The following GPAT4 variants were observed in gnomAD, a reference collection of about 807,000 sequenced individuals.
GPAT4 encodes the protein 1-AGP acyltransferase 6.
Under a neutral mutation model 58.0 loss-of-function variants are expected in GPAT4, and 17 were observed. The ratio of observed to expected loss-of-function variants is 0.29; its 90% confidence interval spans 0.20 to 0.44. GPAT4 has a LOEUF of 0.44. GPAT4 is among the 20% of genes least tolerant of loss of function. The pLI is 1.00. For synonymous variants in GPAT4, 204 were observed against 210.1 expected (o/e 0.97, Z 0.25); for missense variants, 377 against 574.5 (o/e 0.66, Z 3.51).
Position 41,599,235 on chromosome 8 carries a change from G to T in GPAT4, c.96G>T (p.Val32=). The T allele has an allele frequency of 1.2e-5, 19 of 1,613,986 alleles. No individual in the cohort carries two copies. The highest frequency in any genetic ancestry group is 1.6e-5 in the Non-Finnish European group (19 of 1,179,972). ...LFTLLLVFII[V]PAIFGVSFGI... Reference sequence around the variant, plus strand: ...CCCTCCTTCTCGTTTTCATCATAGTGCCAGCCATTTTTGGAGTCTCCTTTG... The same window carrying T: ...CCCTCCTTCTCGTTTTCATCATAGTTCCAGCCATTTTTGGAGTCTCCTTTG... Residue 32 remains valine (V), a synonymous_variant, in exon 2 of 13, where the codon GTG becomes GTT. Transcript: ENST00000396987.
At chr8:41,600,575 A>G (rs1009764161) in intron 2 of GPAT4, among the ~76,000 whole-genome samples, 9 of 151,460 alleles carry the variant, frequency 5.9e-5, no homozygotes, top group African/African-American at 2.2e-4. Context: ...TAGTATGTCT[A>G]TAAGCATATG....
chr8:41,582,983 G>A (rs1261829554), intron 1 of GPAT4, among the ~76,000 whole-genome samples: 1 of 152,072 alleles, frequency 6.6e-6, no homozygotes, highest in African/African-American at 2.4e-5. Context: ...AGCACTTTGG[G>A]AGGCCAAAGT....
chr8:41,587,828 G>A (rs183687893), intron 1 of GPAT4, among the ~76,000 whole-genome samples: 1 of 152,284 alleles, frequency 6.6e-6, no homozygotes, highest in Admixed American at 6.5e-5. Flanking sequence ...TTAAAATTTT[G>A]ATGACAGTCG....
chr8:41,609,630 T>C (rs956721274), intron 3 of GPAT4, 25 bp from the exon 4 acceptor site: 16 of 1,607,852 alleles, frequency 1.0e-5, no homozygotes, highest in African/African-American at 5.3e-5. Flanking sequence ...AGCGTGCTGC[T>C]TGACAGGGAC....
At chr8:41,598,132 G>A (rs1388840956) in intron 1 of GPAT4, among the ~76,000 whole-genome samples, 160 bp from the exon 2 acceptor site, 3 of 152,140 alleles carry the variant, frequency 2.0e-5, no homozygotes, top group Admixed American at 2.0e-4. Context: ...GCCACCTGTT[G>A]GGTCTGCCTG....
intron 1 of GPAT4, among the ~76,000 whole-genome samples, chr8:41,579,355 A>T (rs1802450590): frequency 6.6e-6 from 1 of 152,156 alleles, no homozygotes; most frequent in African/African-American, 2.4e-5. Flanking sequence ...CGTATGTCTC[A>T]GGGAGAACTT....
intron 12 of GPAT4, among the ~76,000 whole-genome samples, chr8:41,619,642 G>C (rs972620352): frequency 2.0e-5 from 3 of 152,246 alleles, no homozygotes; most frequent in African/African-American, 7.2e-5. Context: ...CAAACAGTAG[G>C]AGACTGACAG....
chr8:41,583,505 A>G (rs1422843605), intron 1 of GPAT4, among the ~76,000 whole-genome samples: 1 of 152,130 alleles, frequency 6.6e-6, no homozygotes, highest in Non-Finnish European at 1.5e-5. Context: ...TTAACAATAT[A>G]TTTTATTTAA....
chr8:41,615,487 A>G (rs1229797086), intron 10 of GPAT4, among the ~76,000 whole-genome samples: 2 of 151,912 alleles, frequency 1.3e-5, no homozygotes, highest in Non-Finnish European at 2.9e-5. Context: ...AGTGGGAGAA[A>G]CAGCTTCACT....
chr8:41,580,450 A>T (rs1289260367), intron 1 of GPAT4, among the ~76,000 whole-genome samples: 1 of 152,208 alleles, frequency 6.6e-6, no homozygotes, highest in Non-Finnish European at 1.5e-5. Flanking sequence ...CTTTCTTACA[A>T]AACCATAATA....
intron 1 of GPAT4, among the ~76,000 whole-genome samples, chr8:41,587,119 T>G (rs1373909643): frequency 6.6e-6 from 1 of 152,244 alleles, no homozygotes; most frequent in Non-Finnish European, 1.5e-5. Flanking sequence ...CAGTTTTTAC[T>G]AATGCATTTA....
intron 1 of GPAT4, chr8:41,578,644 G>C (rs1217909944): frequency 2.0e-5 from 3 of 152,358 alleles, no homozygotes; most frequent in African/African-American, 7.2e-5. Flanking sequence ...CTGGGCGTTG[G>C]AGCACCAGGA....
At position 41,624,443 on chromosome 8, in the gene GPAT4, G is replaced by A. The variant is rs1365240338; in HGVS notation, c.*3442G>A. ...CCTTCCTGGAATTGGCCAGGAACTT[G>A]ATTTTCTGGGCTATTGCTTGCTAGT... On this transcript the variant is annotated 3_prime_UTR_variant, in exon 13 of 13. Coordinates refer to ENST00000396987, the MANE Select transcript of GPAT4 (RefSeq NM_178819.4). 2.0e-5 allele frequency: 3 copies of A among 152,214 alleles called. No homozygotes were observed. Among genetic ancestry groups the A allele is most frequent in the Non-Finnish European group, 4.4e-5 (3 of 68,058 alleles). 9.4% of individuals were successfully genotyped at this position (152,214 alleles called of 1,614,324 possible).
chr8:41,594,394 G>T (rs1425381366), intron 1 of GPAT4, among the ~76,000 whole-genome samples: 1 of 151,950 alleles, frequency 6.6e-6, no homozygotes, highest in African/African-American at 2.4e-5. Context: ...AATATACCTT[G>T]CACATAAACT....
At chr8:41,619,526 G>A (rs1803690062) in intron 12 of GPAT4, among the ~76,000 whole-genome samples, 1 of 152,214 alleles carries the variant, frequency 6.6e-6, no homozygotes, top group African/African-American at 2.4e-5. Context: ...AATGAGCATG[G>A]CTGTGTTCCA....
intron 2 of GPAT4, among the ~76,000 whole-genome samples, chr8:41,604,399 C>T (rs1319739746): frequency 3.9e-5 from 6 of 152,316 alleles, no homozygotes; most frequent in Non-Finnish European, 7.3e-5. Flanking sequence ...GTTCCCTTTC[C>T]TGGAAGCCCT....
At chr8:41,613,227 A>C (rs1163381724) in intron 8 of GPAT4, among the ~76,000 whole-genome samples, 1 of 152,068 alleles carries the variant, frequency 6.6e-6, no homozygotes, top group Non-Finnish European at 1.5e-5. Flanking sequence ...TGAAAATACA[A>C]AATACTAAAA....
intron 6 of GPAT4, 35 bp downstream of exon 6, chr8:41,612,027 G>T: frequency 6.2e-7 from 1 of 1,610,926 alleles, no homozygotes; most frequent in Non-Finnish European, 8.5e-7. Context: ...AAGGGAGATG[G>T]CGCTGCAGGA....
chr8:41,613,163 G>A (rs1219634340), intron 8 of GPAT4, among the ~76,000 whole-genome samples: 4 of 152,122 alleles, frequency 2.6e-5, no homozygotes, highest in Admixed American at 1.3e-4. Flanking sequence ...TTGGGAGGCC[G>A]AGGTGGGCGG....
Sources: allele counts gnomAD v4.1 joint callset (sites outside exome capture counted in the v4.1 genomes callset), GRCh38; gene constraint gnomAD v4.1.1; transcripts MANE v1.5; gene names NCBI Gene and HGNC (gene_info 2026-07-23, HGNC 2026-07-21).